The following ANKRD44 variants were observed in gnomAD, a reference collection of about 807,000 sequenced individuals.
ANKRD44 encodes serine/threonine-protein phosphatase 6 regulatory ankyrin repeat subunit B.
Under a neutral mutation model 116.0 loss-of-function variants are expected in ANKRD44, and 35 were observed. That is an observed-to-expected ratio of 0.30 (90% confidence interval 0.23 to 0.40). The LOEUF (loss-of-function observed/expected upper bound fraction) is 0.40. Ranked by LOEUF, ANKRD44 falls within the 10% of genes least tolerant of loss-of-function variation. The pLI is 1.00. For synonymous variants in ANKRD44, 435 were observed against 461.8 expected (o/e 0.94, Z 0.74); for missense variants, 1,014 against 1,242.6 (o/e 0.82, Z 2.77).
intron 2 of ANKRD44, among the ~76,000 whole-genome samples, chr2:197,182,953 G>C (rs2697233): frequency 2.6e-5 from 4 of 152,072 alleles, no homozygotes; most frequent in East Asian, 1.9e-4. Flanking sequence ...GTAGAGAAGA[G>C]AGCAGAAAGG....
intron 10 of ANKRD44, among the ~76,000 whole-genome samples, chr2:197,098,671 C>A (rs553347052): frequency 1.3e-5 from 2 of 152,072 alleles, no homozygotes; most frequent in Non-Finnish European, 2.9e-5. Flanking sequence ...TTTTAACATG[C>A]GTTATCTTTT....
downstream of ANKRD44, among the ~76,000 whole-genome samples, chr2:196,985,379 A>G (rs1417061969): frequency 6.6e-6 from 1 of 152,160 alleles, no homozygotes; most frequent in Non-Finnish European, 1.5e-5. Flanking sequence ...ATAGATAACT[A>G]ATATACCCAG....
At chr2:197,132,111 A>G (rs1350605196) in intron 4 of ANKRD44, among the ~76,000 whole-genome samples, 1 of 152,218 alleles carries the variant, frequency 6.6e-6, no homozygotes, top group Non-Finnish European at 1.5e-5. Flanking sequence ...ACACAGAAAA[A>G]AAAAGGAGAA....
chr2:197,250,932 G>C (rs1033814852), intron 1 of ANKRD44: 2 of 152,190 alleles, frequency 1.3e-5, no homozygotes, highest in African/African-American at 2.4e-5. Flanking sequence ...GAGAAGAGTT[G>C]TAAAGCCCTT....
chr2:197,134,746 A>G (rs1286195695), intron 4 of ANKRD44: 2 of 152,006 alleles, frequency 1.3e-5, no homozygotes, highest in Non-Finnish European at 2.9e-5. Flanking sequence ...GGCATATGGG[A>G]GGTACATATT....
intron 11 of ANKRD44, 81 bp from the exon 12 acceptor site, chr2:197,088,855 GA>G: frequency 6.9e-7 from 1 of 1,451,276 alleles, no homozygotes; most frequent in Non-Finnish European, 9.3e-7. Flanking sequence ...AAACATTGCA[GA>G]GACAGAAAAA....
chr2:197,310,667 C>T lies in ANKRD44; in HGVS notation c.-63G>A, dbSNP rs1382151143. The stretch of plus-strand genomic sequence containing the variant: ...CGGCCCGCAGATGTCACGCCGGGAG[C>T]CGGGGAAGCGGAAGGGATTGCCAGG... On this transcript the variant is annotated 5_prime_UTR_variant, in exon 1 of 28. Transcript: ENST00000282272. The T allele has an allele frequency of 2.3e-6, 3 of 1,312,668 alleles. No homozygotes were observed. The highest frequency in any genetic ancestry group is 3.0e-5 in the South Asian group (2 of 66,868). 81.3% of individuals were successfully genotyped at this position (1,312,668 alleles called of 1,614,324 possible). A position where few individuals can be genotyped will look rare whatever the true frequency, so the allele number is the denominator to read the frequency against.
intron 1 of ANKRD44, among the ~76,000 whole-genome samples, chr2:197,213,938 G>C (rs1190197146): frequency 6.6e-6 from 1 of 152,176 alleles, no homozygotes; most frequent in Non-Finnish European, 1.5e-5. Flanking sequence ...TCTTTGGGAA[G>C]ATAGACTGTT....
chr2:197,236,749 G>A (rs926924383), intron 1 of ANKRD44, among the ~76,000 whole-genome samples: 1 of 151,342 alleles, frequency 6.6e-6, no homozygotes, highest in South Asian at 2.1e-4. Context: ...AAGGAAGGAA[G>A]GATAGGAGAA....
chr2:197,016,502 C>T (rs1164400767), intron 17 of ANKRD44, among the ~76,000 whole-genome samples: 1 of 152,096 alleles, frequency 6.6e-6, no homozygotes, highest in Non-Finnish European at 1.5e-5. Context: ...CTATTAATTA[C>T]TATTTTGTAT....
chr2:197,298,269 A>G (rs1459086221), intron 1 of ANKRD44, among the ~76,000 whole-genome samples: 4 of 152,236 alleles, frequency 2.6e-5, no homozygotes, highest in African/African-American at 9.6e-5. Context: ...CAACTCTAGT[A>G]TCTAAATTCC....
At chr2:197,235,859 T>C (rs2081966417) in intron 1 of ANKRD44, among the ~76,000 whole-genome samples, 1 of 152,040 alleles carries the variant, frequency 6.6e-6, no homozygotes, top group African/African-American at 2.4e-5. Flanking sequence ...TCAGTAGCAG[T>C]AAATTAAGGG....
intron 1 of ANKRD44, among the ~76,000 whole-genome samples, chr2:197,193,135 A>G (rs779254919): frequency 6.6e-6 from 1 of 152,216 alleles, no homozygotes; most frequent in African/African-American, 2.4e-5. Context: ...TCTTTTCCCA[A>G]TGAAAATAAC....
At chr2:197,112,356 T>C (rs1383081737) in intron 8 of ANKRD44, among the ~76,000 whole-genome samples, 1 of 152,204 alleles carries the variant, frequency 6.6e-6, no homozygotes, top group African/African-American at 2.4e-5. Context: ...TTTAGGTAAG[T>C]ATTTCTTAGA....
chr2:197,118,678 A>AG, intron 8 of ANKRD44, among the ~76,000 whole-genome samples: 2 of 144,030 alleles, frequency 1.4e-5, no homozygotes, highest in African/African-American at 2.4e-5. Flanking sequence ...AAAGAAAGAA[A>AG]AACCTAAATC....
chr2:197,025,424 ATATT>A (rs1230865604), intron 16 of ANKRD44, among the ~76,000 whole-genome samples, 157 bp from the exon 17 acceptor site: 2 of 152,248 alleles, frequency 1.3e-5, no homozygotes, highest in Admixed American at 6.5e-5. Flanking sequence ...TGCTAACAGA[ATATT>A]TAAACTTCTA....
At chr2:197,218,750 C>CTTTTTTTTTTTT (rs2081509413) in intron 1 of ANKRD44, among the ~76,000 whole-genome samples, 3 of 69,204 alleles carry the variant, frequency 4.3e-5, no homozygotes, top group Non-Finnish European at 8.3e-5. Context: ...GGGTAAAGTC[C>CTTTTTTTTTTTT]CTTTTTTTTT....
downstream of ANKRD44, among the ~76,000 whole-genome samples, chr2:196,986,105 C>T (rs2075834917): frequency 6.6e-6 from 1 of 152,178 alleles, no homozygotes; most frequent in African/African-American, 2.4e-5. Flanking sequence ...GTCACAGATA[C>T]TGTTTTAAAT....
At chr2:197,297,540 C>T (rs2083165479) in intron 1 of ANKRD44, among the ~76,000 whole-genome samples, 1 of 152,200 alleles carries the variant, frequency 6.6e-6, no homozygotes, top group Non-Finnish European at 1.5e-5. Context: ...ATCACAACTT[C>T]CCCGTAAAGC....
Sources: allele counts gnomAD v4.1 joint callset (sites outside exome capture counted in the v4.1 genomes callset), GRCh38; gene constraint gnomAD v4.1.1; transcripts MANE v1.5; gene names NCBI Gene and HGNC (gene_info 2026-07-23, HGNC 2026-07-21).